Variants in AKNA observed in about 807,000 individuals in gnomAD.
The protein encoded by AKNA is microtubule organization protein AKNA.
In AKNA, 67 loss-of-function variants were observed where a neutral mutation model predicts 138.8. The ratio of observed to expected loss-of-function variants is 0.48; its 90% CI spans 0.40 to 0.59. AKNA has a LOEUF of 0.59. AKNA is among the 20% of genes least tolerant of loss of function. The probability of loss-of-function intolerance (pLI) is 0.00; values close to 1 mark genes in which losing one functional copy is unlikely to be tolerated. For synonymous variants in AKNA, 737 were observed against 754.4 expected (o/e 0.98, Z 0.38); for missense variants, 1,813 against 1,880.4 (o/e 0.96, Z 0.66).
Position 114,337,012 on chromosome 9 carries a change from T to TGGGGGGGGGCG in AKNA, c.*41_*42insCGCCCCCCCCC. 1 of 1,208,224 alleles carries TGGGGGGGGGCG rather than the reference T, an allele frequency of 8.3e-7. No individual in the cohort carries two copies. Among genetic ancestry groups the TGGGGGGGGGCG allele is most frequent in the Non-Finnish European group, 1.1e-6 (1 of 929,350 alleles). The allele number at this position is 1,208,224 out of a possible 1,614,324, so 74.8% of individuals were successfully genotyped here. A position where few individuals can be genotyped will look rare whatever the true frequency, so the allele number is the denominator to read the frequency against. On this transcript the variant is annotated 3_prime_UTR_variant, in exon 22 of 22. Transcript: ENST00000374088. ...CCCACTCCTGGCCTGGCAGGCCACC[T>TGGGGGGGGGCG]GCCCACCCACCCACCCATCTGCCTC... is the stretch of plus-strand genomic sequence containing the variant.
At chr9:114,384,960 C>T (rs1589036812) in intron 1 of AKNA, among the ~76,000 whole-genome samples, 1 of 152,246 alleles carries the variant, frequency 6.6e-6, no homozygotes, top group African/African-American at 2.4e-5. Context: ...AGCGATCCTC[C>T]CACCTCGGCC....
At chr9:114,346,044 A>G (rs2131816415) in intron 17 of AKNA, 35 bp from the exon 18 acceptor site, 19 of 1,254,362 alleles carry the variant, frequency 1.5e-5, no homozygotes, top group East Asian at 2.4e-5. Flanking sequence ...AGAGGGGGCA[A>G]GGGGTGGGGG....
chr9:114,376,695 G>T lies in AKNA; in HGVS notation c.1112C>A (p.Pro371His). Residue 371 changes from proline to histidine, a missense_variant, in exon 3 of 22, where the codon CCC becomes CAC. Physicochemically the swap from Pro to His is moderately conservative, Grantham distance 77. Coordinates refer to ENST00000374088, the MANE Select transcript of AKNA (RefSeq NM_001317950.2). Reference sequence around the variant, plus strand: ...GGGGGGACGGTAGCTCTCATCTTTGGGGAATCTCACCCGGGGCCCTACCTT... The same window carrying T: ...GGGGGGACGGTAGCTCTCATCTTTGTGGAATCTCACCCGGGGCCCTACCTT... ...FSKVGPRVRF[P>H]KDESYRPPKS... The T allele has an allele frequency of 6.2e-7, 1 of 1,612,956 alleles. No homozygotes were observed. Among genetic ancestry groups the T allele is most frequent in the South Asian group, 1.1e-5 (1 of 90,966 alleles).
chr9:114,353,456 G>A (rs1831275283), intron 14 of AKNA, among the ~76,000 whole-genome samples: 2 of 152,226 alleles, frequency 1.3e-5, no homozygotes, highest in South Asian at 4.1e-4. Context: ...TGGAGATGGG[G>A]TTTTGCCATG....
chr9:114,395,829 C>T (rs10982198), upstream of AKNA, among the ~76,000 whole-genome samples: 366 of 151,544 alleles, frequency 2.4e-3, 9 homozygotes, highest in East Asian at 0.036. Flanking sequence ...CTGAAATTGG[C>T]CATGCCAATT....
At chr9:114,368,095 C>G (rs549141855) in intron 5 of AKNA, 1 of 289,056 alleles carries the variant, frequency 3.5e-6, no homozygotes, top group Admixed American at 4.9e-5. Context: ...CACACCTCAG[C>G]GGGTTATTGT....
downstream of AKNA, chr9:114,331,532 C>T (rs1829850895): frequency 6.5e-7 from 1 of 1,550,270 alleles, no homozygotes; most frequent in African/African-American, 1.4e-5. Context: ...TGTGCCATCC[C>T]ATGTTCTCAC....
chr9:114,390,737 T>C (rs889360614), upstream of AKNA, among the ~76,000 whole-genome samples: 16 of 152,200 alleles, frequency 1.1e-4, no homozygotes, highest in Admixed American at 5.2e-4. Flanking sequence ...CTCTCTGCCC[T>C]TGCTCAGCAT....
chr9:114,331,206 T>C (rs1401700911), downstream of AKNA, among the ~76,000 whole-genome samples: 7 of 152,194 alleles, frequency 4.6e-5, no homozygotes, highest in Middle Eastern at 3.4e-3. Flanking sequence ...GGAGAGGTGG[T>C]ACCTTCAACT....
Position 114,368,557 on chromosome 9 carries a change from G to A in AKNA, c.1455C>T (p.Ser485=). ...LFSDPPQPNH[S]IHTGMVPQGT... ...CCTGGGGCACCATTCCCGTGTGGAT[G>A]CTGTGGTTGGGCTGGGGTGGGTCAG... The change falls in exon 5 of 22, where the codon AGC becomes AGT. Residue 485 remains serine (S), a synonymous_variant. Coordinates refer to ENST00000374088, the MANE Select transcript of AKNA (RefSeq NM_001317950.2). 7.1e-7 allele frequency: 1 copy of A among 1,398,994 alleles called. No individual in the cohort carries two copies. The highest frequency in any genetic ancestry group is 1.9e-4 in the Middle Eastern group (1 of 5,224). The allele number at this position is 1,398,994 out of a possible 1,614,324, so 86.7% of individuals were successfully genotyped here. A position where few individuals can be genotyped will look rare whatever the true frequency, so the allele number is the denominator to read the frequency against.
At chr9:114,397,042 C>A (rs2132168382), upstream of AKNA, among the ~76,000 whole-genome samples, 1 of 152,310 alleles carries the variant, frequency 6.6e-6, no homozygotes. Flanking sequence ...GCAGAGTCTG[C>A]AGGACGGTGG....
At chr9:114,392,398 A>C (rs906915534), upstream of AKNA, among the ~76,000 whole-genome samples, 12 of 152,374 alleles carry the variant, frequency 7.9e-5, no homozygotes, top group African/African-American at 2.9e-4. Context: ...GCTGCAGAGC[A>C]CAGGTGTTAA....
chr9:114,383,644 G>C (rs1359301040), intron 1 of AKNA, among the ~76,000 whole-genome samples: 4 of 152,216 alleles, frequency 2.6e-5, no homozygotes, highest in African/African-American at 9.7e-5. Flanking sequence ...GTTGAAGGCA[G>C]TATGACTCCA....
intron 14 of AKNA, among the ~76,000 whole-genome samples, chr9:114,355,632 C>T (rs73551528): frequency 0.18 from 26,932 of 152,204 alleles, 2,818 homozygotes; most frequent in Middle Eastern, 0.32. Flanking sequence ...CCGCCGTGCA[C>T]GCTGTCTGTC....
upstream of AKNA, among the ~76,000 whole-genome samples, chr9:114,394,953 T>TGG (rs139828682): frequency 6.6e-6 from 1 of 151,764 alleles, no homozygotes; most frequent in Non-Finnish European, 1.5e-5. Flanking sequence ...GAGCTGGCAG[T>TGG]GGGGGGGCTG....
chr9:114,372,586 C>T (rs1368949887), intron 4 of AKNA, among the ~76,000 whole-genome samples: 1 of 152,128 alleles, frequency 6.6e-6, no homozygotes, highest in African/African-American at 2.4e-5. Flanking sequence ...GCAGACGCTC[C>T]ACGCCTCCAG....
At chr9:114,368,114 A>C in intron 5 of AKNA, 1 of 306,682 alleles carries the variant, frequency 3.3e-6, no homozygotes, top group Non-Finnish European at 6.0e-6. Flanking sequence ...GTGGGGATTA[A>C]GTGAGGTCAC....
At chr9:114,364,403 T>C (rs1421312752) in intron 7 of AKNA, among the ~76,000 whole-genome samples, 157 bp downstream of exon 7, 1 of 152,170 alleles carries the variant, frequency 6.6e-6, no homozygotes, top group Non-Finnish European at 1.5e-5. Flanking sequence ...TAATGATCGT[T>C]ATCATGGGAA....
At chr9:114,392,646 G>GA (rs1834390366), upstream of AKNA, among the ~76,000 whole-genome samples, 1 of 152,226 alleles carries the variant, frequency 6.6e-6, no homozygotes, top group Non-Finnish European at 1.5e-5. Flanking sequence ...CCTTTTCCGT[G>GA]AAACGCCCTA....
Sources: gnomAD v4.1 joint callset for allele counts (sites outside exome capture counted in the v4.1 genomes callset) on GRCh38, gnomAD v4.1.1 for gene constraint, MANE v1.5 for transcripts, NCBI Gene and HGNC (gene_info 2026-07-23, HGNC 2026-07-21) for gene names.